Variants in BCKDHB observed in about 807,000 individuals in gnomAD.
BCKDHB encodes the protein branched chain keto acid dehydrogenase E1 subunit beta, also known as 2-oxoisovalerate dehydrogenase subunit beta, mitochondrial.
Under a neutral mutation model 48.5 loss-of-function variants are expected in BCKDHB, and 41 were observed. The ratio of observed to expected loss-of-function variants is 0.85; its 90% CI spans 0.66 to 1.10. The LOEUF is 1.10. Among genes scored for constraint, BCKDHB ranks in the 50% least tolerant of loss-of-function variants. The pLI is 0.00. For missense variants in BCKDHB, 496 were observed against 494.2 expected (o/e 1.00, Z -0.03); for synonymous variants, 201 against 174.8 (o/e 1.15, Z -1.18).
intron 9 of BCKDHB, among the ~76,000 whole-genome samples, chr6:80,284,661 CTG>C (rs761910353): frequency 2.0e-5 from 3 of 152,096 alleles, no homozygotes; most frequent in Non-Finnish European, 4.4e-5. Flanking sequence ...TAATTCATGA[CTG>C]TTCTTTAAAG....
chr6:80,369,027 C>G, the BCKDHB span, among the ~76,000 whole-genome samples: 201 of 146,022 alleles, frequency 1.4e-3, 22 homozygotes, highest in African/African-American at 3.9e-3. Flanking sequence ...AAAAAAAAAA[C>G]AAAAGAAAAG....
chr6:80,167,491 C>G lies in BCKDHB; in HGVS notation c.344-187C>G, dbSNP rs529434057. The stretch of plus-strand genomic sequence containing the variant: ...TCCTGGTCTCAAGTAATCCTCTTGC[C>G]TTGGCCTCCCAAACTGCTAGGATTA... On this transcript the variant is annotated intron_variant, in intron 3 of 9. Transcript: ENST00000320393. Among the ~76,000 whole-genome samples, 3 of 152,146 alleles carry G rather than the reference C, an allele frequency of 2.0e-5. No homozygotes were observed. In the East Asian group the frequency reaches 5.8e-4, roughly 29 times the overall value.
At chr6:80,271,218 A>G (rs1375058435) in intron 8 of BCKDHB, among the ~76,000 whole-genome samples, 1 of 151,896 alleles carries the variant, frequency 6.6e-6, no homozygotes, top group Non-Finnish European at 1.5e-5. Flanking sequence ...CCTGCAACTT[A>G]CTCATTTTAC....
chr6:80,332,722 A>AC (rs11419498), intron 9 of BCKDHB, among the ~76,000 whole-genome samples: 2 of 150,056 alleles, frequency 1.3e-5, no homozygotes, highest in South Asian at 2.1e-4. Context: ...AAAAAAAAAA[A>AC]CACCTTCAAA....
At chr6:80,304,936 A>G (rs1319013634) in intron 9 of BCKDHB, among the ~76,000 whole-genome samples, 1 of 152,160 alleles carries the variant, frequency 6.6e-6, no homozygotes, top group Non-Finnish European at 1.5e-5. Context: ...ACCTGTAACA[A>G]CCACTATATT....
At chr6:80,162,586 C>T (rs1479107461) in intron 3 of BCKDHB, among the ~76,000 whole-genome samples, 1 of 152,190 alleles carries the variant, frequency 6.6e-6, no homozygotes, top group African/African-American at 2.4e-5. Context: ...TGCAGTGGCT[C>T]ACGCCTGTAA....
chr6:80,239,271 T>C (rs1260641842), intron 8 of BCKDHB, among the ~76,000 whole-genome samples: 2 of 152,222 alleles, frequency 1.3e-5, no homozygotes, highest in African/African-American at 4.8e-5. Context: ...TGTTGTTTCC[T>C]GACTTTTTAA....
At chr6:80,442,824 A>G in the BCKDHB span, among the ~76,000 whole-genome samples, 2 of 152,194 alleles carry the variant, frequency 1.3e-5, no homozygotes, top group Non-Finnish European at 2.9e-5. Context: ...CTCCAGATCA[A>G]TTGAGTGGTA....
chr6:80,291,185 G>A lies in BCKDHB; in HGVS notation c.1038+17964G>A, dbSNP rs576529451. Among the ~76,000 whole-genome samples, 7 of 152,206 alleles carry A rather than the reference G, an allele frequency of 4.6e-5. No individual in the cohort carries two copies. In the East Asian group the frequency reaches 1.2e-3, roughly 25 times the overall value. Reference sequence around the variant, plus strand: ...AAGATGGAGTTGCTCTGGTTCAAACGCCTTTGACATTTCTCCCCTCCCTTA... The same window carrying A: ...AAGATGGAGTTGCTCTGGTTCAAACACCTTTGACATTTCTCCCCTCCCTTA... On this transcript the variant is annotated intron_variant, in intron 9 of 9. Coordinates refer to ENST00000320393, the MANE Select transcript of BCKDHB (RefSeq NM_183050.4).
At chr6:80,361,068 C>T in the BCKDHB span, among the ~76,000 whole-genome samples, 1 of 151,622 alleles carries the variant, frequency 6.6e-6, no homozygotes, top group African/African-American at 2.4e-5. Context: ...CATTTTATTT[C>T]CCCACCTTTA....
chr6:80,252,677 A>C lies in BCKDHB; in HGVS notation c.952-20458A>C, dbSNP rs545033557. On this transcript the variant is annotated intron_variant, in intron 8 of 9. Transcript: ENST00000320393. ...TCCTTGAAAGGATAATGTTTAAAAT[A>C]ATATTTAAAATAATCTAAACCTAAT... Among the ~76,000 whole-genome samples, 233 of 152,318 alleles carry C rather than the reference A, an allele frequency of 1.5e-3. 1 individual carries two copies. Among genetic ancestry groups the C allele is most frequent in the South Asian group, 3.1e-3 (15 of 4,828 alleles).
At chr6:80,372,654 A>C in the BCKDHB span, among the ~76,000 whole-genome samples, 1 of 152,144 alleles carries the variant, frequency 6.6e-6, no homozygotes, top group Non-Finnish European at 1.5e-5. Flanking sequence ...GGTTTTAATC[A>C]TAAAGGGATG....
chr6:80,434,611 A>G, the BCKDHB span, among the ~76,000 whole-genome samples: 1 of 152,030 alleles, frequency 6.6e-6, no homozygotes, highest in Non-Finnish European at 1.5e-5. Context: ...ATGTCTAATT[A>G]ATTTACTTGA....
At chr6:80,450,139 A>G in the BCKDHB span, among the ~76,000 whole-genome samples, 3 of 152,134 alleles carry the variant, frequency 2.0e-5, no homozygotes, top group African/African-American at 7.2e-5. Flanking sequence ...TGCTATTGGG[A>G]GGGTGTTTTA....
chr6:80,258,044 C>T (rs1454215793), intron 8 of BCKDHB, among the ~76,000 whole-genome samples: 4 of 151,824 alleles, frequency 2.6e-5, no homozygotes, highest in Admixed American at 2.6e-4. Flanking sequence ...AAGAATAATA[C>T]ATAGTTTAAG....
chr6:80,123,799 C>G lies in BCKDHB; in HGVS notation c.197-3748C>G, dbSNP rs140837919. Among the ~76,000 whole-genome samples, 454 of 152,198 alleles carry G rather than the reference C, an allele frequency of 3.0e-3. 2 individuals are homozygous for G. The highest frequency in any genetic ancestry group is 0.011 in the African/African-American group (439 of 41,526). ...CTTCTCTGTTTTCTTCTTTATTAAT[C>G]TTTCTAGTGGTCTATCAATTTTGTT... On this transcript the variant is annotated intron_variant, in intron 1 of 9. Coordinates refer to ENST00000320393, the MANE Select transcript of BCKDHB (RefSeq NM_183050.4).
intron 8 of BCKDHB, among the ~76,000 whole-genome samples, chr6:80,241,758 G>C (rs1047550523): frequency 2.6e-5 from 4 of 152,060 alleles, no homozygotes; most frequent in Non-Finnish European, 5.9e-5. Flanking sequence ...CCATTTACAC[G>C]CTCACCAGCA....
At chr6:80,188,474 A>C (rs1271176537) in intron 6 of BCKDHB, among the ~76,000 whole-genome samples, 1 of 151,846 alleles carries the variant, frequency 6.6e-6, no homozygotes. Context: ...CCGTCTCTAC[A>C]AAAAAAATAC....
In BCKDHB at chr6:80,135,637, T is replaced by G. The variant is rs114729620; in HGVS notation, c.343+6408T>G. 9.3e-3 allele frequency among the ~76,000 whole-genome samples: 1,421 copies of G among 152,290 alleles called. 30 individuals are homozygous for G. The highest frequency in any genetic ancestry group is 0.033 in the African/African-American group (1,352 of 41,558). Reference sequence around the variant, plus strand: ...TATGCCTTTTTTTCCCCACAGTGCTTTTTTCACAAACATTAATTTATTTCT... The same window carrying G: ...TATGCCTTTTTTTCCCCACAGTGCTGTTTTCACAAACATTAATTTATTTCT... On this transcript the variant is annotated intron_variant, in intron 3 of 9. Coordinates refer to ENST00000320393, the MANE Select transcript of BCKDHB (RefSeq NM_183050.4).
Sources: gnomAD v4.1 joint callset for allele counts (sites outside exome capture counted in the v4.1 genomes callset) on GRCh38, gnomAD v4.1.1 for gene constraint, MANE v1.5 for transcripts, NCBI Gene and HGNC (gene_info 2026-07-23, HGNC 2026-07-21) for gene names.